CHRM3: variants seen among roughly 807,000 people sequenced by gnomAD.
CHRM3 encodes cholinergic receptor muscarinic 3, also known as muscarinic acetylcholine receptor M3.
Under a neutral mutation model 41.8 loss-of-function variants are expected in CHRM3, and 11 were observed. That is an observed-to-expected ratio of 0.26 (90% CI 0.17 to 0.44). CHRM3 has a LOEUF of 0.44. CHRM3 is among the 20% of genes least tolerant of loss of function. CHRM3 has a pLI of 1.00. For missense variants in CHRM3, 571 were observed against 745.4 expected, an observed-to-expected ratio of 0.77 and a Z score of 2.72; for synonymous variants, 297 against 301.4, an observed-to-expected ratio of 0.99 and a Z score of 0.15.
chr1:239,459,737 C>T (rs891447080), intron 1 of CHRM3, among the ~76,000 whole-genome samples: 1 of 152,072 alleles, frequency 6.6e-6, no homozygotes, highest in African/African-American at 2.4e-5. Flanking sequence ...GTTTTGTCTA[C>T]CAGTGCCATA....
intron 3 of CHRM3, among the ~76,000 whole-genome samples, chr1:239,551,686 A>G (rs1172105036): frequency 6.6e-6 from 1 of 152,182 alleles, no homozygotes; most frequent in African/African-American, 2.4e-5. Context: ...CCACTAAAAC[A>G]GTGTTTTAAC....
chr1:239,432,276 A>T (rs981357562), intron 1 of CHRM3, among the ~76,000 whole-genome samples: 1 of 152,166 alleles, frequency 6.6e-6, no homozygotes, highest in Non-Finnish European at 1.5e-5. Context: ...AATAATTCCT[A>T]GAAACAGCAT....
At chr1:239,478,073 T>A (rs897752542) in intron 1 of CHRM3, among the ~76,000 whole-genome samples, 1 of 152,126 alleles carries the variant, frequency 6.6e-6, no homozygotes, top group Non-Finnish European at 1.5e-5. Flanking sequence ...ATAAAGCAAT[T>A]AAAGATCTCC....
intron 5 of CHRM3, among the ~76,000 whole-genome samples, chr1:239,760,148 A>G (rs899500375): frequency 3.3e-5 from 5 of 149,626 alleles, no homozygotes; most frequent in Non-Finnish European, 7.4e-5. Context: ...GATGGTCTCG[A>G]TCTCCTGACC....
At chr1:239,633,644 CT>C (rs1335585798) in intron 4 of CHRM3, among the ~76,000 whole-genome samples, 1 of 152,190 alleles carries the variant, frequency 6.6e-6, no homozygotes, top group Non-Finnish European at 1.5e-5. Flanking sequence ...TGGGGAGAGA[CT>C]TTCAAGAGGA....
chr1:239,419,073 A>T (rs1661726639), intron 1 of CHRM3, among the ~76,000 whole-genome samples: 1 of 152,188 alleles, frequency 6.6e-6, no homozygotes, highest in Non-Finnish European at 1.5e-5. Context: ...AAGGAAAGGG[A>T]CAGATCCCAG....
intron 1 of CHRM3, among the ~76,000 whole-genome samples, chr1:239,486,871 T>C (rs1667215955): frequency 6.6e-6 from 1 of 152,200 alleles, no homozygotes; most frequent in Middle Eastern, 3.2e-3. Flanking sequence ...AAGGTGACAA[T>C]TTCCTGGATG....
At chr1:239,574,668 T>G (rs1032871390) in intron 3 of CHRM3, among the ~76,000 whole-genome samples, 1 of 152,188 alleles carries the variant, frequency 6.6e-6, no homozygotes, top group Non-Finnish European at 1.5e-5. Context: ...CTGGATTTAT[T>G]GTTGATTATT....
At chr1:239,477,734 A>G (rs1488958483) in intron 1 of CHRM3, among the ~76,000 whole-genome samples, 1 of 152,202 alleles carries the variant, frequency 6.6e-6, no homozygotes, top group South Asian at 2.1e-4. Flanking sequence ...AATCTGAGAC[A>G]TATCTGAGGA....
chr1:239,861,208 A>G lies in CHRM3; in HGVS notation c.-20+33830A>G, dbSNP rs544427199. Among the ~76,000 whole-genome samples the G allele has an allele frequency of 3.9e-5, 6 of 152,318 alleles. No homozygotes were observed. The South Asian group carries it at 1.0e-3, about 26-fold the overall frequency. On this transcript the variant is annotated intron_variant, in intron 6 of 6. Transcript: ENST00000676153. ...GAAGCTTATAAAGGAAAAGAGAAAT[A>G]TTAGTCTAATAATCACATAAATAAA...
At chr1:239,884,926 G>A (rs1227246073) in intron 6 of CHRM3, among the ~76,000 whole-genome samples, 1 of 152,122 alleles carries the variant, frequency 6.6e-6, no homozygotes, top group Non-Finnish European at 1.5e-5. Flanking sequence ...CCCACCAATG[G>A]ATGCCTTACA....
intron 5 of CHRM3, among the ~76,000 whole-genome samples, chr1:239,695,178 G>A (rs908577632): frequency 6.6e-6 from 1 of 151,856 alleles, no homozygotes; most frequent in African/African-American, 2.4e-5. Context: ...ACCCAGCTAA[G>A]TTTTTGTATT....
chr1:239,693,281 C>T (rs1038676195), intron 5 of CHRM3, among the ~76,000 whole-genome samples: 1 of 152,030 alleles, frequency 6.6e-6, no homozygotes, highest in African/African-American at 2.4e-5. Context: ...GCATTAAAGC[C>T]CCAACCCCCA....
chr1:239,877,110 C>T (rs1171796003), intron 6 of CHRM3, among the ~76,000 whole-genome samples: 1 of 152,154 alleles, frequency 6.6e-6, no homozygotes, highest in African/African-American at 2.4e-5. Context: ...GACATACACA[C>T]ACAGAGTCAT....
intron 3 of CHRM3, among the ~76,000 whole-genome samples, chr1:239,611,699 A>T (rs59571408): frequency 2.9e-4 from 44 of 152,088 alleles, no homozygotes; most frequent in South Asian, 2.5e-3. Context: ...GATTACAGGC[A>T]TGAGCCACCG....
chr1:239,726,260 T>C (rs1393998205), intron 5 of CHRM3, among the ~76,000 whole-genome samples: 1 of 151,940 alleles, frequency 6.6e-6, no homozygotes, highest in African/African-American at 2.4e-5. Flanking sequence ...TTTTGGTGCA[T>C]TGTGAGTCTG....
chr1:239,894,104 C>A (rs1337120164), intron 6 of CHRM3, among the ~76,000 whole-genome samples: 1 of 152,172 alleles, frequency 6.6e-6, no homozygotes, highest in African/African-American at 2.4e-5. Flanking sequence ...AAGCCATAGG[C>A]ATCAAATATG....
At chr1:239,489,555 A>G (rs1029161250) in intron 1 of CHRM3, among the ~76,000 whole-genome samples, 1 of 152,230 alleles carries the variant, frequency 6.6e-6, no homozygotes, top group Non-Finnish European at 1.5e-5. Flanking sequence ...GGCATGAGTT[A>G]GGTAGAGGAA....
In CHRM3 at chr1:239,914,593, T is replaced by G. The variant is rs1164529068; in HGVS notation, c.*5369T>G. The G allele has an allele frequency of 6.0e-6, 1 of 167,120 alleles. No homozygotes were observed. Among genetic ancestry groups the G allele is most frequent in the African/African-American group, 2.4e-5 (1 of 41,470 alleles). The allele number at this position is 167,120 out of a possible 1,614,324, so 10.4% of individuals were successfully genotyped here. On this transcript the variant is annotated 3_prime_UTR_variant, in exon 7 of 7. Coordinates refer to ENST00000676153, the MANE Select transcript of CHRM3 (RefSeq NM_001375978.1). ...TTTTATCCCTAGAACTCAGAAACTT[T>G]ACTGGATTGGTCAACAAAGACAAAC...
Sources: allele counts gnomAD v4.1 joint callset (sites outside exome capture counted in the v4.1 genomes callset), GRCh38; gene constraint gnomAD v4.1.1; transcripts MANE v1.5; gene names NCBI Gene and HGNC (gene_info 2026-07-23, HGNC 2026-07-21).